GYS2: variants seen among roughly 807,000 people sequenced by gnomAD.
The protein encoded by GYS2 is glycogen [starch] synthase, liver.
GYS2 carries 80 observed loss-of-function variants against 85.6 expected under a neutral mutation model. The observed-to-expected ratio is 0.93, with a 90% CI of 0.78 to 1.13. The LOEUF (loss-of-function observed/expected upper bound fraction) is 1.13, where lower values mean the gene tolerates loss of function less well. Among genes scored for constraint, GYS2 ranks in the 50% most tolerant of loss-of-function variants. The pLI is 0.00. For missense variants in GYS2, 881 were observed against 854.9 expected, an observed-to-expected ratio of 1.03 and a Z score of -0.38; for synonymous variants, 328 against 300.7, an observed-to-expected ratio of 1.09 and a Z score of -0.94.
chr12:21,562,123 G>A lies in GYS2; in HGVS notation c.1062+795C>T, dbSNP rs151217739. Among the ~76,000 whole-genome samples, 648 of 152,156 alleles carry A rather than the reference G, an allele frequency of 4.3e-3. 5 individuals carry two copies. The highest frequency in any genetic ancestry group is 0.015 in the African/African-American group (626 of 41,504). ...TTATTTATGCATATTGTGTTGCTCGGTTAGTTGAGAACCCACTTTGTATCC... is the reference window on the plus strand; with the variant it reads ...TTATTTATGCATATTGTGTTGCTCGATTAGTTGAGAACCCACTTTGTATCC... On this transcript the variant is annotated intron_variant, in intron 7 of 15. Coordinates refer to ENST00000261195, the MANE Select transcript of GYS2 (RefSeq NM_021957.4).
At position 21,563,326 on chromosome 12, in the gene GYS2, G is replaced by T; in HGVS notation, c.843C>A (p.Gly281=). ...CTGCTGAAAATTTCTTAACATTCAA[G>T]CCGTTTGGAGTAACTACATCTAGAA... ...KRKPDVVTPN[G]LNVKKFSAVH... Residue 281 remains glycine, a synonymous_variant, in exon 6 of 16, where the codon GGC becomes GGA. Transcript: ENST00000261195. The T allele has an allele frequency of 6.3e-7, 1 of 1,594,222 alleles. No individual in the cohort carries two copies. Among genetic ancestry groups the T allele is most frequent in the Non-Finnish European group, 8.6e-7 (1 of 1,162,034 alleles).
At chr12:21,543,149 C>T (rs532993940) in intron 12 of GYS2, among the ~76,000 whole-genome samples, 9 of 152,228 alleles carry the variant, frequency 5.9e-5, no homozygotes, top group African/African-American at 2.2e-4. Context: ...ATCTGTTTTC[C>T]AGGAAATAAC....
At chr12:21,565,223 G>C (rs1944303453) in intron 5 of GYS2, among the ~76,000 whole-genome samples, 1 of 151,172 alleles carries the variant, frequency 6.6e-6, no homozygotes, top group African/African-American at 2.4e-5. Context: ...TTAACAAAGA[G>C]TACTCCAGGA....
chr12:21,594,150 A>T (rs944891879), intron 1 of GYS2, among the ~76,000 whole-genome samples: 2 of 152,208 alleles, frequency 1.3e-5, no homozygotes, highest in African/African-American at 4.8e-5. Context: ...ATCATACTGA[A>T]TTGGGAAAAG....
At chr12:21,570,291 T>C (rs1944370777) in intron 4 of GYS2, among the ~76,000 whole-genome samples, 1 of 152,208 alleles carries the variant, frequency 6.6e-6, no homozygotes, top group Non-Finnish European at 1.5e-5. Flanking sequence ...TTTAATCAAC[T>C]TTTTTGAGCA....
chr12:21,552,173 AAAAC>A (rs1944119934), intron 11 of GYS2, among the ~76,000 whole-genome samples: 1 of 152,132 alleles, frequency 6.6e-6, no homozygotes. Context: ...ATCAGTAGGA[AAAAC>A]AAAACAAGAA....
chr12:21,595,917 A>G (rs1944690582), intron 1 of GYS2, among the ~76,000 whole-genome samples: 1 of 152,174 alleles, frequency 6.6e-6, no homozygotes, highest in Non-Finnish European at 1.5e-5. Flanking sequence ...AAAATAATGG[A>G]TTTAAATTAT....
intron 8 of GYS2, 50 bp downstream of exon 8, chr12:21,560,336 A>G: frequency 9.9e-7 from 1 of 1,014,556 alleles, no homozygotes; most frequent in Non-Finnish European, 1.6e-6. Context: ...CACTTAAAAG[A>G]AATCTTTTCA....
downstream of GYS2, among the ~76,000 whole-genome samples, chr12:21,535,395 CCTT>C (rs1296059455): frequency 1.3e-5 from 2 of 152,030 alleles, no homozygotes; most frequent in Non-Finnish European, 2.9e-5. Context: ...TAATATAAGT[CCTT>C]CTCATATTTT....
intron 4 of GYS2, among the ~76,000 whole-genome samples, chr12:21,570,700 C>A (rs1012223707): frequency 5.3e-4 from 81 of 152,184 alleles, no homozygotes; most frequent in Non-Finnish European, 1.0e-3. Context: ...GACTGTAGCA[C>A]TGGATGTAGA....
downstream of GYS2, among the ~76,000 whole-genome samples, chr12:21,535,472 A>G (rs1943902292): frequency 1.3e-5 from 2 of 152,196 alleles, no homozygotes; most frequent in South Asian, 4.1e-4. Context: ...TGGCATCCAC[A>G]GGGCATTTGT....
intron 1 of GYS2, among the ~76,000 whole-genome samples, chr12:21,589,612 C>G (rs1015340531): frequency 2.0e-5 from 3 of 152,020 alleles, no homozygotes; most frequent in African/African-American, 4.8e-5. Context: ...GGAAGCCTAC[C>G]CAGTAGGGAT....
chr12:21,580,658 AAAT>A lies in GYS2; in HGVS notation c.122-138_122-136del, dbSNP rs1944498715. ...GCCCAAGGATTTATTTACCTTTCAA[AAAT>A]AATAGTATTTGACATATTGTTAAGG... is the stretch of plus-strand genomic sequence containing the variant. On this transcript the variant is annotated intron_variant, in intron 1 of 15. Coordinates refer to ENST00000261195, the MANE Select transcript of GYS2 (RefSeq NM_021957.4). The A allele has an allele frequency of 4.7e-5, 34 of 729,180 alleles. No homozygotes were observed. The South Asian group carries it at 4.9e-4, about 10-fold the overall frequency. 45.2% of individuals were successfully genotyped at this position (729,180 alleles called of 1,614,324 possible).
chr12:21,542,677 T>C (rs1264733039), intron 12 of GYS2, 86 bp from the exon 13 acceptor site: 1 of 804,158 alleles, frequency 1.2e-6, no homozygotes, highest in Non-Finnish European at 2.2e-6. Flanking sequence ...GCCCTAGTCC[T>C]CCTAAGAATA....
chr12:21,572,405 G>T (rs762981873), intron 4 of GYS2, among the ~76,000 whole-genome samples: 1 of 152,134 alleles, frequency 6.6e-6, no homozygotes, highest in African/African-American at 2.4e-5. Context: ...ATTAAACTAT[G>T]ACTTCTTCCT....
chr12:21,590,825 C>T (rs915245370), intron 1 of GYS2, among the ~76,000 whole-genome samples: 32 of 152,162 alleles, frequency 2.1e-4, no homozygotes, highest in African/African-American at 7.2e-4. Context: ...ACCACCTTCA[C>T]TAACAAATGC....
chr12:21,544,639 C>T (rs1475596904), intron 12 of GYS2, among the ~76,000 whole-genome samples: 1 of 152,172 alleles, frequency 6.6e-6, no homozygotes, highest in Non-Finnish European at 1.5e-5. Context: ...AAAGATAGTG[C>T]ATTGCAAGCA....
intron 1 of GYS2, among the ~76,000 whole-genome samples, chr12:21,598,276 T>C (rs1565614101): frequency 6.6e-6 from 1 of 152,236 alleles, no homozygotes; most frequent in Middle Eastern, 3.4e-3. Flanking sequence ...TTGATCATTA[T>C]ACATTATATG....
At chr12:21,537,897 T>G (rs1943928791) in intron 15 of GYS2, among the ~76,000 whole-genome samples, 2 of 152,138 alleles carry the variant, frequency 1.3e-5, no homozygotes, top group African/African-American at 2.4e-5. Context: ...GGGAGACAGA[T>G]GTGTAAAAGT....
Sources: gnomAD v4.1 joint callset for allele counts (sites outside exome capture counted in the v4.1 genomes callset) on GRCh38, gnomAD v4.1.1 for gene constraint, MANE v1.5 for transcripts, NCBI Gene and HGNC (gene_info 2026-07-23, HGNC 2026-07-21) for gene names.